The following DNMBP variants were observed in gnomAD, a reference collection of about 807,000 sequenced individuals.
DNMBP encodes dynamin-binding protein.
Under a neutral mutation model 150.0 loss-of-function variants are expected in DNMBP, and 87 were observed. The observed-to-expected ratio is 0.58, with a 90% CI of 0.49 to 0.69. DNMBP has a LOEUF of 0.69. Ranked by LOEUF, DNMBP falls within the 30% of genes least tolerant of loss-of-function variation. The probability of loss-of-function intolerance (pLI) is 0.00; values close to 1 mark genes in which losing one functional copy is unlikely to be tolerated. For synonymous variants in DNMBP, 711 were observed against 750.4 expected, an observed-to-expected ratio of 0.95 and a Z score of 0.86; for missense variants, 1,774 against 1,949.0, an observed-to-expected ratio of 0.91 and a Z score of 1.69.
rs143249554 is a variant in DNMBP, at chr10:99,957,019, G to A, written c.455C>T (p.Ala152Val). ...CAGCTGAGCAGAAAGCCCCATTAGG[G>A]CCCGGGCTTGTCCCATGGAATATTC... ...IPEYSMGQAR[A>V]LMGLSAQLDE... The change falls in exon 4 of 17, where the codon GCC (alanine) becomes GTC (valine). Residue 152 changes from alanine to valine, a missense_variant. By Grantham distance (64) the Ala-to-Val change is moderately conservative. Coordinates refer to ENST00000324109, the MANE Select transcript of DNMBP (RefSeq NM_015221.4). The A allele has an allele frequency of 6.4e-5, 104 of 1,614,052 alleles. No individual in the cohort carries two copies. Among genetic ancestry groups the A allele is most frequent in the Non-Finnish European group, 8.6e-5 (102 of 1,180,042 alleles).
intron 4 of DNMBP, among the ~76,000 whole-genome samples, chr10:99,946,053 T>A (rs1314383591): frequency 6.6e-6 from 1 of 152,082 alleles, no homozygotes; most frequent in African/African-American, 2.4e-5. Context: ...GCCTACTGGG[T>A]TCAAGCCATT....
chr10:100,003,396 A>G lies in DNMBP; in HGVS notation c.-11+6442T>C, dbSNP rs149877189. Among the ~76,000 whole-genome samples, 258 of 152,254 alleles carry G rather than the reference A, an allele frequency of 1.7e-3. 1 individual carries two copies. Among genetic ancestry groups the G allele is most frequent in the African/African-American group, 5.9e-3 (244 of 41,546 alleles). On this transcript the variant is annotated intron_variant, in intron 1 of 16. Coordinates refer to ENST00000324109, the MANE Select transcript of DNMBP (RefSeq NM_015221.4). Reference sequence around the variant, plus strand: ...AAAAGAACTGATGAAGCATGTATTTAGAGATTAAAGGGACATGATGTCTAC... The same window carrying G: ...AAAAGAACTGATGAAGCATGTATTTGGAGATTAAAGGGACATGATGTCTAC...
At chr10:99,903,261 C>T (rs992650743) in intron 6 of DNMBP, among the ~76,000 whole-genome samples, 10 of 152,012 alleles carry the variant, frequency 6.6e-5, no homozygotes, top group African/African-American at 2.4e-4. Flanking sequence ...CTTCTGTCTA[C>T]TCCTGCAACC....
At chr10:99,936,552 T>C (rs2040234222) in intron 4 of DNMBP, among the ~76,000 whole-genome samples, 1 of 151,726 alleles carries the variant, frequency 6.6e-6, no homozygotes, top group African/African-American at 2.4e-5. Flanking sequence ...TCTCACTCTG[T>C]TGCCCAGGCC....
intron 4 of DNMBP, among the ~76,000 whole-genome samples, chr10:99,909,790 T>C (rs186914016): frequency 6.9e-4 from 105 of 152,370 alleles, no homozygotes; most frequent in African/African-American, 2.4e-3. Context: ...TCCTAGTAGA[T>C]ACAAACTTAC....
intron 3 of DNMBP, among the ~76,000 whole-genome samples, chr10:99,967,741 T>C (rs986830468): frequency 1.3e-5 from 2 of 151,788 alleles, no homozygotes; most frequent in Non-Finnish European, 2.9e-5. Context: ...CCTGTCCCTT[T>C]TGTGCCATAT....
intron 12 of DNMBP, among the ~76,000 whole-genome samples, 174 bp from the exon 13 acceptor site, chr10:99,886,806 CTACT>C (rs2039474800): frequency 6.6e-6 from 1 of 152,160 alleles, no homozygotes; most frequent in African/African-American, 2.4e-5. Flanking sequence ...TCACTAGCCT[CTACT>C]TAAATACTCC....
At chr10:99,877,534 CG>C (rs1277856906) in intron 16 of DNMBP, among the ~76,000 whole-genome samples, 198 bp from the exon 17 acceptor site, 4 of 151,986 alleles carry the variant, frequency 2.6e-5, no homozygotes, top group African/African-American at 9.7e-5. Flanking sequence ...TAGGTACATA[CG>C]GATGATGGCT....
rs1025796633 is a variant in DNMBP at position 99,972,275 on chromosome 10, T to C, written c.-10-141A>G. ...GCTAAGCAAATAAGTTAGTACTTCC[T>C]ATTTTATTTTTGAGACAGGGTCTCA... is the stretch of plus-strand genomic sequence containing the variant. On this transcript the variant is annotated intron_variant, in intron 1 of 16. Coordinates refer to ENST00000324109, the MANE Select transcript of DNMBP (RefSeq NM_015221.4). 2.7e-5 allele frequency: 21 copies of C among 788,316 alleles called. No homozygotes were observed. The African/African-American group carries it at 3.5e-4, about 13-fold the overall frequency. 48.8% of individuals were successfully genotyped at this position (788,316 alleles called of 1,614,324 possible). A position where few individuals can be genotyped will look rare whatever the true frequency, so the allele number is the denominator to read the frequency against.
At position 99,902,167 on chromosome 10, in the gene DNMBP, G is replaced by A. The variant is rs147894215; in HGVS notation, c.2555-2101C>T. ...GGCCCTTCCAAAGTGCTGGGATAACGGGCGTGAGTCACCATGCCTGGCCTA... is the reference window on the plus strand; with the variant it reads ...GGCCCTTCCAAAGTGCTGGGATAACAGGCGTGAGTCACCATGCCTGGCCTA... On this transcript the variant is annotated intron_variant, in intron 6 of 16. Coordinates refer to ENST00000324109, the MANE Select transcript of DNMBP (RefSeq NM_015221.4). 9.2e-3 allele frequency among the ~76,000 whole-genome samples: 1,392 copies of A among 151,864 alleles called. 19 individuals carry two copies. The highest frequency in any genetic ancestry group is 0.041 in the Middle Eastern group (12 of 294).
At chr10:99,889,137 G>T in intron 11 of DNMBP, 184 bp from the exon 12 acceptor site, 2 of 613,340 alleles carry the variant, frequency 3.3e-6, no homozygotes, top group Non-Finnish European at 5.4e-6. Context: ...GGGGCACAGA[G>T]AAAGGCTAAG....
intron 15 of DNMBP, among the ~76,000 whole-genome samples, chr10:99,882,008 G>A (rs1199744320): frequency 6.6e-6 from 1 of 152,200 alleles, no homozygotes; most frequent in Non-Finnish European, 1.5e-5. Context: ...CCCCCCAGCA[G>A]GGTCAGCACC....
Position 99,898,124 on chromosome 10 carries a change from T to A in DNMBP, c.2882A>T (p.Asn961Ile), listed in dbSNP as rs1348435648. 1 of 1,614,120 alleles carries A rather than the reference T, an allele frequency of 6.2e-7. No homozygotes were observed. The highest frequency in any genetic ancestry group is 8.5e-7 in the Non-Finnish European group (1 of 1,180,000). The stretch of plus-strand genomic sequence containing the variant: ...CCGTTTATATTCATTAATGTTAACG[T>A]TGATTTCCTTGACCGCAAGGACTGC... ...TNAVLAVKEI[N>I]VNINEYKRRK... The change falls in exon 9 of 17, where the codon AAC (asparagine) becomes ATC (isoleucine). Residue 961 changes from asparagine to isoleucine, a missense_variant. This residue lies in a region of DNMBP where 1,430 missense variants were observed against 1,492.5 expected (regional missense o/e 0.96). Coordinates refer to ENST00000324109, the MANE Select transcript of DNMBP (RefSeq NM_015221.4).
At chr10:99,950,835 T>C (rs1381345920) in intron 4 of DNMBP, among the ~76,000 whole-genome samples, 1 of 152,156 alleles carries the variant, frequency 6.6e-6, no homozygotes, top group Non-Finnish European at 1.5e-5. Context: ...AGCCTGACAA[T>C]GTGATAGAAA....
chr10:99,880,263 C>A lies in DNMBP; in HGVS notation c.4096G>T (p.Glu1366Ter). ...SVGSHSSTES[E>*]HGSSSPRFPR... ...AACCTGGGGGAGGAGCTGCCGTGCT[C>A]AGACTCTGTGGAGGAGTGGCTACCC... The change falls in exon 16 of 17, where the codon GAG becomes TAG. Residue 1366 changes from glutamate to a stop codon, truncating the protein, a stop_gained. Transcript: ENST00000324109. LOFTEE classifies it high-confidence loss of function. 6.2e-7 allele frequency: 1 copy of A among 1,614,054 alleles called. No homozygotes were observed. The highest frequency in any genetic ancestry group is 1.3e-5 in the African/African-American group (1 of 75,036).
At chr10:99,894,007 CTTTTA>C (rs2133217845) in intron 11 of DNMBP, among the ~76,000 whole-genome samples, 1 of 152,004 alleles carries the variant, frequency 6.6e-6, no homozygotes, top group East Asian at 1.9e-4. Flanking sequence ...TAAGGAAATT[CTTTTA>C]TAAGATCAGA....
chr10:99,937,833 C>G (rs2040250669), intron 4 of DNMBP, among the ~76,000 whole-genome samples: 1 of 152,166 alleles, frequency 6.6e-6, no homozygotes, highest in African/African-American at 2.4e-5. Flanking sequence ...CTTGGTTCAC[C>G]AAACCAATAG....
Position 99,898,250 on chromosome 10 carries a change from A to C in DNMBP, c.2756T>G (p.Leu919Arg). 5 of 1,614,090 alleles carry C rather than the reference A, an allele frequency of 3.1e-6. No individual in the cohort carries two copies. The highest frequency in any genetic ancestry group is 4.2e-6 in the Non-Finnish European group (5 of 1,179,968). ...CTNYINLGSF[L>R]IKPVQRVMRY... Reference sequence around the variant, plus strand: ...CATTACTCTCTGTACTGGTTTGATGAGGAAGGAGCCCAGGTTAATATAATT... The same window carrying C: ...CATTACTCTCTGTACTGGTTTGATGCGGAAGGAGCCCAGGTTAATATAATT... The change falls in exon 9 of 17, where the codon CTC (leucine) becomes CGC (arginine). Residue 919 changes from leucine (L) to arginine (R), a missense_variant. Coordinates refer to ENST00000324109, the MANE Select transcript of DNMBP (RefSeq NM_015221.4).
chr10:99,986,160 A>G (rs2040826056), intron 1 of DNMBP, among the ~76,000 whole-genome samples: 1 of 152,166 alleles, frequency 6.6e-6, no homozygotes, highest in Admixed American at 6.5e-5. Context: ...AGTAAAGTTA[A>G]TGCTATTTCA....
Sources: gnomAD v4.1 joint callset for allele counts (sites outside exome capture counted in the v4.1 genomes callset) on GRCh38, gnomAD v4.1.1 for gene constraint, gnomAD v4.1.1 regional missense constraint, MANE v1.5 for transcripts, NCBI Gene and HGNC (gene_info 2026-07-23, HGNC 2026-07-21) for gene names.